Variants in DLG2 observed in about 807,000 individuals in gnomAD.
DLG2 encodes the protein disks large homolog 2.
A neutral mutation model predicts 132.5 loss-of-function variants in DLG2; 45 were observed. That is an observed-to-expected ratio of 0.34 (90% CI 0.27 to 0.44). The LOEUF is 0.44. DLG2 is among the 20% of genes least tolerant of loss of function. DLG2 has a pLI of 1.00. For synonymous variants in DLG2, 424 were observed against 419.6 expected (o/e 1.01, Z -0.13); for missense variants, 1,045 against 1,196.9 (o/e 0.87, Z 1.87).
At chr11:83,629,036 A>G (rs1419509895) in intron 19 of DLG2, among the ~76,000 whole-genome samples, 1 of 152,188 alleles carries the variant, frequency 6.6e-6, no homozygotes, top group African/African-American at 2.4e-5. Flanking sequence ...TTGCTTCTAA[A>G]TATTTGAAAG....
chr11:85,002,105 G>A (rs537870573), intron 6 of DLG2, among the ~76,000 whole-genome samples: 1 of 152,128 alleles, frequency 6.6e-6, no homozygotes, highest in Non-Finnish European at 1.5e-5. Flanking sequence ...TACTGAGCTT[G>A]ATCAATCTTT....
chr11:84,033,090 C>T (rs12800687), intron 11 of DLG2, among the ~76,000 whole-genome samples: 3,434 of 152,236 alleles, frequency 0.023, 70 homozygotes, highest in Middle Eastern at 0.034. Context: ...TCCACTAACA[C>T]GATATCCATT....
intron 7 of DLG2, among the ~76,000 whole-genome samples, chr11:84,492,598 A>G (rs749449055): frequency 5.3e-5 from 8 of 152,192 alleles, no homozygotes; most frequent in African/African-American, 1.4e-4. Context: ...ATAATCACAT[A>G]TAACTCACAG....
intron 7 of DLG2, among the ~76,000 whole-genome samples, chr11:84,396,923 A>G (rs575985755): frequency 2.6e-4 from 40 of 152,282 alleles, no homozygotes; most frequent in African/African-American, 9.6e-4. Flanking sequence ...TTGGGACCCA[A>G]AGGTCCTAAA....
At chr11:85,507,818 G>A (rs975692342) in intron 3 of DLG2, among the ~76,000 whole-genome samples, 23 of 151,992 alleles carry the variant, frequency 1.5e-4, no homozygotes, top group Non-Finnish European at 2.8e-4. Flanking sequence ...ACTTGGTTCC[G>A]TTCTCCCATC....
At chr11:83,779,198 T>C (rs535981359) in intron 18 of DLG2, among the ~76,000 whole-genome samples, 167 of 152,082 alleles carry the variant, frequency 1.1e-3, no homozygotes, top group Middle Eastern at 3.4e-3. Context: ...TGATAACAGA[T>C]AAATGAATGG....
chr11:84,587,071 T>G (rs1364809217), intron 6 of DLG2, among the ~76,000 whole-genome samples: 1 of 152,210 alleles, frequency 6.6e-6, no homozygotes, highest in Non-Finnish European at 1.5e-5. Context: ...CTAGTCTAGT[T>G]CAGGTCACTG....
chr11:84,028,390 A>G, intron 11 of DLG2, among the ~76,000 whole-genome samples: 1 of 152,118 alleles, frequency 6.6e-6, no homozygotes, highest in East Asian at 1.9e-4. Flanking sequence ...CACAGGAAAG[A>G]AAACAACAAC....
chr11:83,908,931 T>C (rs567249812), intron 15 of DLG2, among the ~76,000 whole-genome samples: 126 of 152,226 alleles, frequency 8.3e-4, no homozygotes, highest in African/African-American at 2.9e-3. Flanking sequence ...GATGAGGTCT[T>C]GCTATGTGCC....
At chr11:84,919,892 A>C (rs1190048656) in intron 6 of DLG2, among the ~76,000 whole-genome samples, 1 of 152,216 alleles carries the variant, frequency 6.6e-6, no homozygotes, top group African/African-American at 2.4e-5. Flanking sequence ...CGTGATGATC[A>C]CATTGCTTCT....
At chr11:84,087,379 T>G (rs1018911631) in intron 10 of DLG2, among the ~76,000 whole-genome samples, 1 of 152,220 alleles carries the variant, frequency 6.6e-6, no homozygotes, top group African/African-American at 2.4e-5. Context: ...CCTGTACTTT[T>G]GATTTGCTGT....
chr11:83,733,710 T>G (rs1318435113), intron 18 of DLG2, among the ~76,000 whole-genome samples: 1 of 152,224 alleles, frequency 6.6e-6, no homozygotes, highest in Non-Finnish European at 1.5e-5. Context: ...AGCAATCAAC[T>G]TCAAATCCCT....
At chr11:83,638,147 G>C (rs117679964) in intron 18 of DLG2, among the ~76,000 whole-genome samples, 1 of 152,202 alleles carries the variant, frequency 6.6e-6, no homozygotes, top group East Asian at 1.9e-4. Context: ...CCCCCAGCTA[G>C]TTCTTTCTCC....
chr11:85,072,882 A>G (rs1205402201), intron 6 of DLG2, among the ~76,000 whole-genome samples: 1 of 151,858 alleles, frequency 6.6e-6, no homozygotes, highest in Non-Finnish European at 1.5e-5. Flanking sequence ...GATAGCATCA[A>G]CAGATATTTT....
At chr11:84,155,618 G>A (rs2095413138) in intron 9 of DLG2, among the ~76,000 whole-genome samples, 1 of 151,874 alleles carries the variant, frequency 6.6e-6, no homozygotes, top group Admixed American at 6.6e-5. Flanking sequence ...GCCACTGGTA[G>A]TCAAGTACCA....
intron 6 of DLG2, among the ~76,000 whole-genome samples, chr11:85,105,525 C>T (rs990288487): frequency 6.6e-6 from 1 of 151,870 alleles, no homozygotes; most frequent in African/African-American, 2.4e-5. Context: ...TAAATCATGC[C>T]TTTTCTGAGA....
chr11:84,743,444 C>T (rs1373028471), intron 6 of DLG2, among the ~76,000 whole-genome samples: 1 of 152,114 alleles, frequency 6.6e-6, no homozygotes, highest in East Asian at 1.9e-4. Flanking sequence ...TGGCTATCAA[C>T]CCATCCATCC....
intron 7 of DLG2, among the ~76,000 whole-genome samples, chr11:84,416,181 T>C (rs2098929002): frequency 6.7e-6 from 1 of 149,386 alleles, no homozygotes; most frequent in South Asian, 2.1e-4. Context: ...TTCTATTTAG[T>C]TTCTTCACAA....
chr11:85,585,213 T>C (rs1262223499), intron 3 of DLG2, among the ~76,000 whole-genome samples: 1 of 152,232 alleles, frequency 6.6e-6, no homozygotes, highest in African/African-American at 2.4e-5. Context: ...TTCATTCTTC[T>C]ACATGTGGCT....
Sources: gnomAD v4.1 joint callset for allele counts (sites outside exome capture counted in the v4.1 genomes callset) on GRCh38, gnomAD v4.1.1 for gene constraint, MANE v1.5 for transcripts, NCBI Gene and HGNC (gene_info 2026-07-23, HGNC 2026-07-21) for gene names.